CSMD1: variants seen among roughly 807,000 people sequenced by gnomAD.
CSMD1 encodes the protein CUB and sushi domain-containing protein 1.
CSMD1 carries 213 observed loss-of-function variants against 417.5 expected under a neutral mutation model. The ratio of observed to expected loss-of-function variants is 0.51; its 90% CI spans 0.46 to 0.57. The LOEUF (loss-of-function observed/expected upper bound fraction) is 0.57. CSMD1 is among the 20% of genes least tolerant of loss of function. CSMD1 has a pLI of 0.00. For missense variants in CSMD1, 6,923 were observed against 4,529.7 expected, an observed-to-expected ratio of 1.53 and a Z score of -15.17; for synonymous variants, 2,862 against 1,736.8, an observed-to-expected ratio of 1.65 and a Z score of -16.11.
intron 3 of CSMD1, among the ~76,000 whole-genome samples, chr8:4,162,496 A>G (rs2131100989): frequency 6.6e-6 from 1 of 152,318 alleles, no homozygotes; most frequent in African/African-American, 2.4e-5. Flanking sequence ...AACAGTTTTG[A>G]TCCTCATAAA....
chr8:4,907,166 C>T (rs1805339873), intron 1 of CSMD1, among the ~76,000 whole-genome samples: 1 of 152,198 alleles, frequency 6.6e-6, no homozygotes, highest in African/African-American at 2.4e-5. Context: ...TTACTTAAAT[C>T]ACTTTCCCTG....
intron 2 of CSMD1, among the ~76,000 whole-genome samples, chr8:4,450,512 G>GT: frequency 6.6e-6 from 1 of 152,210 alleles, no homozygotes; most frequent in Non-Finnish European, 1.5e-5. Flanking sequence ...GTGCGGGCCT[G>GT]TAGTGCCAGC....
intron 1 of CSMD1, among the ~76,000 whole-genome samples, chr8:4,944,813 G>A (rs1415775308): frequency 6.6e-6 from 1 of 152,070 alleles, no homozygotes; most frequent in Non-Finnish European, 1.5e-5. Context: ...ATGCAAAATG[G>A]TGCGTGGTGG....
chr8:4,190,027 G>C (rs893257934), intron 3 of CSMD1, among the ~76,000 whole-genome samples: 2 of 151,850 alleles, frequency 1.3e-5, no homozygotes, highest in South Asian at 2.1e-4. Context: ...GGGAGGCCAA[G>C]GCAGGTAGAA....
intron 10 of CSMD1, among the ~76,000 whole-genome samples, chr8:3,548,757 T>C (rs77694586): frequency 0.064 from 9,531 of 149,554 alleles, 621 homozygotes; most frequent in African/African-American, 0.17. Flanking sequence ...TTCTAAAGAG[T>C]AAGCCCGGCC....
chr8:4,135,720 C>T lies in CSMD1; in HGVS notation c.416-103621G>A, dbSNP rs188994722. Among the ~76,000 whole-genome samples the T allele has an allele frequency of 4.9e-4, 75 of 152,118 alleles. 1 individual carries two copies. The South Asian group carries it at 0.011, about 21-fold the overall frequency. ...ATATTATTATTGTAATAATATAATT[C>T]AGTCACCAATTTATCATTTAAAGAA... On this transcript the variant is annotated intron_variant, in intron 3 of 69. Coordinates refer to ENST00000635120, the MANE Select transcript of CSMD1 (RefSeq NM_033225.6).
At chr8:3,906,861 G>C (rs61592048) in intron 5 of CSMD1, among the ~76,000 whole-genome samples, 17 of 149,798 alleles carry the variant, frequency 1.1e-4, no homozygotes, top group African/African-American at 2.4e-4. Flanking sequence ...TGTACATAAA[G>C]TAAAAGTATT....
chr8:3,955,317 T>C (rs991763325), intron 5 of CSMD1, among the ~76,000 whole-genome samples: 3 of 152,194 alleles, frequency 2.0e-5, no homozygotes, highest in African/African-American at 4.8e-5. Flanking sequence ...AGTGTGTTCT[T>C]GGTGAAACTC....
Position 4,734,008 on chromosome 8 carries a change from G to A in CSMD1, c.86-96450C>T, listed in dbSNP as rs562184053. ...AGTGAAGATTCTCTTATCAAAGAAA[G>A]AAGTCCTTCTTACAAAAATATTTTG... On this transcript the variant is annotated intron_variant, in intron 1 of 69. Coordinates refer to ENST00000635120, the MANE Select transcript of CSMD1 (RefSeq NM_033225.6). Among the ~76,000 whole-genome samples the A allele has an allele frequency of 1.8e-3, 268 of 152,260 alleles. 1 individual carries two copies. The highest frequency in any genetic ancestry group is 6.1e-3 in the African/African-American group (253 of 41,570).
chr8:2,967,609 T>C (rs1585066847), intron 57 of CSMD1, among the ~76,000 whole-genome samples: 1 of 152,244 alleles, frequency 6.6e-6, no homozygotes, highest in East Asian at 1.9e-4. Context: ...GTTGCAATAA[T>C]ATACAATAGG....
Position 4,560,971 on chromosome 8 carries a change from T to G in CSMD1, c.302+76371A>C, listed in dbSNP as rs570558900. On this transcript the variant is annotated intron_variant, in intron 2 of 69. Coordinates refer to ENST00000635120, the MANE Select transcript of CSMD1 (RefSeq NM_033225.6). The stretch of plus-strand genomic sequence containing the variant: ...TATGGACAAAGATTAAGTCTTCCAC[T>G]GTTCTAAATATTTCCCAAGTCTTAC... 4.6e-5 allele frequency among the ~76,000 whole-genome samples: 7 copies of G among 152,372 alleles called. No homozygotes were observed. The East Asian group carries it at 1.3e-3, about 29-fold the overall frequency.
chr8:4,174,061 C>T (rs991684250), intron 3 of CSMD1, among the ~76,000 whole-genome samples: 63 of 152,130 alleles, frequency 4.1e-4, no homozygotes, highest in African/African-American at 1.0e-3. Flanking sequence ...GCCTGGGCCA[C>T]CTGCCTGCTT....
At chr8:3,995,332 A>C (rs1034561352) in intron 5 of CSMD1, among the ~76,000 whole-genome samples, 1 of 152,182 alleles carries the variant, frequency 6.6e-6, no homozygotes, top group Non-Finnish European at 1.5e-5. Flanking sequence ...CTGTGTTAAG[A>C]TACTTCTTTT....
At chr8:4,123,448 T>C (rs1462170191) in intron 3 of CSMD1, among the ~76,000 whole-genome samples, 1 of 152,222 alleles carries the variant, frequency 6.6e-6, no homozygotes, top group Non-Finnish European at 1.5e-5. Flanking sequence ...GCCTTTAATG[T>C]TTAAATATCA....
chr8:3,931,626 A>T (rs1377574461), intron 5 of CSMD1, among the ~76,000 whole-genome samples: 1 of 149,852 alleles, frequency 6.7e-6, no homozygotes, highest in Non-Finnish European at 1.5e-5. Flanking sequence ...AGAGACAGAG[A>T]AAAGTGCCTC....
At chr8:4,347,931 G>A (rs1024039431) in intron 3 of CSMD1, among the ~76,000 whole-genome samples, 10 of 151,996 alleles carry the variant, frequency 6.6e-5, no homozygotes, top group African/African-American at 2.2e-4. Context: ...TAAAATAGGA[G>A]CACAAAAATA....
intron 5 of CSMD1, among the ~76,000 whole-genome samples, chr8:3,978,297 C>A (rs2130151736): frequency 6.6e-6 from 1 of 152,292 alleles, no homozygotes; most frequent in Admixed American, 6.5e-5. Context: ...ACCACACAAA[C>A]CCCACAAAAA....
At chr8:4,772,264 A>T (rs1391914772) in intron 1 of CSMD1, among the ~76,000 whole-genome samples, 1 of 152,198 alleles carries the variant, frequency 6.6e-6, no homozygotes, top group Non-Finnish European at 1.5e-5. Context: ...CCTAAAAGTC[A>T]GCAACAGTGA....
chr8:3,868,964 C>A (rs771017677), intron 5 of CSMD1, among the ~76,000 whole-genome samples: 3 of 152,194 alleles, frequency 2.0e-5, no homozygotes, highest in Non-Finnish European at 4.4e-5. Context: ...ACCTAAGTCA[C>A]ATAACTCTTC....
Sources: gnomAD v4.1 joint callset for allele counts (sites outside exome capture counted in the v4.1 genomes callset) on GRCh38, gnomAD v4.1.1 for gene constraint, MANE v1.5 for transcripts, NCBI Gene and HGNC (gene_info 2026-07-23, HGNC 2026-07-21) for gene names.